The following TMEM132B variants were observed in gnomAD, a reference collection of about 807,000 sequenced individuals.
TMEM132B encodes the protein transmembrane protein 132B.
In TMEM132B, 18 loss-of-function variants were observed where a neutral mutation model predicts 90.8. That is an observed-to-expected ratio of 0.20 (90% confidence interval 0.14 to 0.29). TMEM132B has a LOEUF of 0.29. Ranked by LOEUF, TMEM132B falls within the 10% of genes least tolerant of loss-of-function variation. The pLI is 1.00. For synonymous variants in TMEM132B, 504 were observed against 523.3 expected, an observed-to-expected ratio of 0.96 and a Z score of 0.50; for missense variants, 1,096 against 1,326.8, an observed-to-expected ratio of 0.83 and a Z score of 2.70.
intron 3 of TMEM132B, among the ~76,000 whole-genome samples, chr12:125,512,100 A>G (rs73220916): frequency 2.3e-3 from 357 of 152,264 alleles, no homozygotes; most frequent in Non-Finnish European, 4.3e-3. Flanking sequence ...ACACAGTGCA[A>G]AAGGTGCCTA....
At chr12:125,225,355 A>G (rs1873654697) in intron 1 of TMEM132B, among the ~76,000 whole-genome samples, 1 of 152,244 alleles carries the variant, frequency 6.6e-6, no homozygotes, top group African/African-American at 2.4e-5. Context: ...AAGAATTTCA[A>G]GAGGGCGATA....
intron 1 of TMEM132B, among the ~76,000 whole-genome samples, chr12:125,232,526 C>A (rs919872230): frequency 6.6e-6 from 1 of 151,914 alleles, no homozygotes; most frequent in African/African-American, 2.4e-5. Context: ...GAATTCCCAG[C>A]CAATAAACAT....
intron 3 of TMEM132B, among the ~76,000 whole-genome samples, chr12:125,457,024 G>A (rs1881309529): frequency 6.6e-6 from 1 of 152,130 alleles, no homozygotes; most frequent in Non-Finnish European, 1.5e-5. Flanking sequence ...GCTGCAGGCA[G>A]GTCTGGCTGG....
At chr12:125,601,238 G>A (rs1378304772) in intron 5 of TMEM132B, among the ~76,000 whole-genome samples, 1 of 152,124 alleles carries the variant, frequency 6.6e-6, no homozygotes, top group Non-Finnish European at 1.5e-5. Context: ...CTCAGCAAAT[G>A]CAAATGAACT....
intron 3 of TMEM132B, among the ~76,000 whole-genome samples, chr12:125,454,392 T>TTGTGTG (rs749400783): frequency 0.038 from 4,254 of 112,020 alleles, 221 homozygotes; most frequent in African/African-American, 0.11. Context: ...GTGTGTGTGT[T>TTGTGTG]TGTGTGTGTG....
chr12:125,390,292 A>G (rs1033034851), intron 2 of TMEM132B, among the ~76,000 whole-genome samples: 6 of 152,248 alleles, frequency 3.9e-5, no homozygotes, highest in Non-Finnish European at 7.3e-5. Context: ...ATGCAGTGAG[A>G]AAACAAACTA....
intron 4 of TMEM132B, among the ~76,000 whole-genome samples, chr12:125,521,832 C>T (rs1018412288): frequency 1.3e-5 from 2 of 152,224 alleles, no homozygotes; most frequent in East Asian, 1.9e-4. Flanking sequence ...TTCACTTAAT[C>T]TCATTCTGCT....
intron 1 of TMEM132B, among the ~76,000 whole-genome samples, chr12:125,315,492 C>A (rs1008874787): frequency 6.6e-6 from 1 of 152,210 alleles, no homozygotes; most frequent in Admixed American, 6.5e-5. Context: ...AACCACCACG[C>A]CTGGTCAATA....
chr12:125,652,460 A>G lies in TMEM132B; in HGVS notation c.1934A>G (p.Asp645Gly). Residue 645 changes from aspartate to glycine, a missense_variant, in exon 8 of 9, where the codon GAC becomes GGC. Transcript: ENST00000682704. ...TTVQVLSPLS[D>G]SILAEKTVIV... The stretch of plus-strand genomic sequence containing the variant: ...TTTCAGGTCCTCTCGCCGTTGTCTG[A>G]CTCCATCCTGGCTGAGAAGACGGTG... The G allele has an allele frequency of 6.2e-7, 1 of 1,608,260 alleles. No homozygotes were observed. The highest frequency in any genetic ancestry group is 8.5e-7 in the Non-Finnish European group (1 of 1,176,884).
At chr12:125,194,310 G>A (rs753170312) in intron 1 of TMEM132B, among the ~76,000 whole-genome samples, 2 of 151,934 alleles carry the variant, frequency 1.3e-5, no homozygotes, top group Non-Finnish European at 2.9e-5. Flanking sequence ...CTCCGAGTCC[G>A]GGATGCAGTG....
intron 3 of TMEM132B, among the ~76,000 whole-genome samples, chr12:125,479,298 T>A (rs1265083917): frequency 6.6e-6 from 1 of 152,176 alleles, no homozygotes; most frequent in African/African-American, 2.4e-5. Flanking sequence ...AATGCCCCAA[T>A]TAAAAGACAC....
intron 3 of TMEM132B, among the ~76,000 whole-genome samples, chr12:125,428,338 A>G (rs1593141247): frequency 6.6e-6 from 1 of 152,204 alleles, no homozygotes; most frequent in Non-Finnish European, 1.5e-5. Flanking sequence ...ATTTTTTAGA[A>G]ACCCGGGCCT....
intron 1 of TMEM132B, among the ~76,000 whole-genome samples, chr12:125,258,910 G>C (rs974206970): frequency 6.6e-6 from 1 of 152,128 alleles, no homozygotes; most frequent in Non-Finnish European, 1.5e-5. Flanking sequence ...AGCCATCCTT[G>C]GAAAGATCCA....
At chr12:125,302,506 A>G (rs758672958) in intron 1 of TMEM132B, among the ~76,000 whole-genome samples, 1 of 152,142 alleles carries the variant, frequency 6.6e-6, no homozygotes, top group Non-Finnish European at 1.5e-5. Context: ...GTTATACAGC[A>G]CTATTGTGGA....
chr12:125,632,331 A>AT (rs891231408), intron 5 of TMEM132B, among the ~76,000 whole-genome samples: 24 of 151,886 alleles, frequency 1.6e-4, no homozygotes, highest in African/African-American at 5.8e-4. Flanking sequence ...TTCTGTTTAT[A>AT]TTTTTTTGTA....
intron 3 of TMEM132B, among the ~76,000 whole-genome samples, chr12:125,419,338 A>T (rs946978898): frequency 6.6e-6 from 1 of 152,206 alleles, no homozygotes. Flanking sequence ...AAGAGGTTTC[A>T]TTGACTCACA....
At chr12:125,346,306 T>C (rs1299749220) in intron 1 of TMEM132B, among the ~76,000 whole-genome samples, 1 of 152,156 alleles carries the variant, frequency 6.6e-6, no homozygotes, top group East Asian at 1.9e-4. Context: ...CATATTAAAG[T>C]TTGCATTTAT....
At chr12:125,378,284 GAAGA>G (rs1878553416) in intron 2 of TMEM132B, among the ~76,000 whole-genome samples, 1 of 152,164 alleles carries the variant, frequency 6.6e-6, no homozygotes, top group Non-Finnish European at 1.5e-5. Context: ...ATAAATCCAG[GAAGA>G]CTGGTTCAGA....
At chr12:125,267,470 G>A (rs1108330) in intron 1 of TMEM132B, among the ~76,000 whole-genome samples, 5 of 152,128 alleles carry the variant, frequency 3.3e-5, no homozygotes, top group African/African-American at 9.7e-5. Flanking sequence ...GTGTTGGGGG[G>A]TTCCATGAAT....
Sources: allele counts gnomAD v4.1 joint callset (sites outside exome capture counted in the v4.1 genomes callset), GRCh38; gene constraint gnomAD v4.1.1; transcripts MANE v1.5; gene names NCBI Gene and HGNC (gene_info 2026-07-23, HGNC 2026-07-21).